Variants in CTTNBP2 observed in about 807,000 individuals in gnomAD.
The protein encoded by CTTNBP2 is cortactin-binding protein 2.
CTTNBP2 carries 108 observed loss-of-function variants against 156.9 expected under a neutral mutation model. The ratio of observed to expected loss-of-function variants is 0.69; its 90% CI spans 0.59 to 0.81. The LOEUF is 0.81. CTTNBP2 is among the 30% of genes least tolerant of loss of function. The pLI, the probability that CTTNBP2 is intolerant of heterozygous loss-of-function variation, is 0.00. For synonymous variants in CTTNBP2, 767 were observed against 751.8 expected (o/e 1.02, Z -0.33); for missense variants, 1,924 against 2,035.4 (o/e 0.95, Z 1.05).
At chr7:117,748,119 C>T (rs1169854344) in intron 12 of CTTNBP2, among the ~76,000 whole-genome samples, 1 of 152,164 alleles carries the variant, frequency 6.6e-6, no homozygotes, top group Non-Finnish European at 1.5e-5. Flanking sequence ...CTAGAAAGTG[C>T]TGCTGAGGTT....
At chr7:117,800,125 A>C (rs1004789823) in intron 3 of CTTNBP2, among the ~76,000 whole-genome samples, 1 of 152,064 alleles carries the variant, frequency 6.6e-6, no homozygotes, top group Non-Finnish European at 1.5e-5. Context: ...CTTTTGGAGA[A>C]GCCAAATTGC....
At chr7:117,871,299 T>C (rs1042862841) in intron 1 of CTTNBP2, among the ~76,000 whole-genome samples, 2 of 152,364 alleles carry the variant, frequency 1.3e-5, no homozygotes, top group South Asian at 2.1e-4. Context: ...CCATGCCTTA[T>C]TAAGTCAAAA....
chr7:117,719,042 C>T (rs1045314314), intron 21 of CTTNBP2, among the ~76,000 whole-genome samples: 1 of 152,068 alleles, frequency 6.6e-6, no homozygotes, highest in East Asian at 1.9e-4. Context: ...ACTAAAAAGT[C>T]CAAAAATTAG....
intron 14 of CTTNBP2, among the ~76,000 whole-genome samples, chr7:117,739,902 C>A (rs1311680716): frequency 6.6e-6 from 1 of 152,164 alleles, no homozygotes; most frequent in Admixed American, 6.5e-5. Flanking sequence ...ATTACTTTTA[C>A]AAAGGAAAGT....
At chr7:117,773,664 C>CACACACACACACACACACACACAA (rs1797918317) in intron 8 of CTTNBP2, among the ~76,000 whole-genome samples, 1 of 137,308 alleles carries the variant, frequency 7.3e-6, no homozygotes, top group Non-Finnish European at 1.5e-5. Flanking sequence ...CACACACACA[C>CACACACACACACACACACACACAA]ACACACACAC....
chr7:117,835,926 GTAA>G (rs1401752766), intron 2 of CTTNBP2, among the ~76,000 whole-genome samples: 4 of 152,112 alleles, frequency 2.6e-5, no homozygotes, highest in Non-Finnish European at 4.4e-5. Flanking sequence ...CCTAATATTA[GTAA>G]TAATACCTAC....
chr7:117,811,306 C>T lies in CTTNBP2; in HGVS notation c.190-317G>A, dbSNP rs540103503. On this transcript the variant is annotated intron_variant, in intron 2 of 22. Transcript: ENST00000160373. ...CAGCAGTCTTTTTTTACACCCCCAC[C>T]CCTCCACCCCGCCCAACAGGGTCTT... Among the ~76,000 whole-genome samples the T allele has an allele frequency of 6.6e-5, 10 of 152,166 alleles. No homozygotes were observed. The South Asian group carries it at 2.1e-3, about 32-fold the overall frequency.
chr7:117,742,995 T>A lies in CTTNBP2; in HGVS notation c.3535+2836A>T, dbSNP rs188751710. ...CTGCTTCACCTCTTCCTGTGGCTTGTTGTTACTTGGGGGCATTGAGGTTTT... is the reference window on the plus strand; with the variant it reads ...CTGCTTCACCTCTTCCTGTGGCTTGATGTTACTTGGGGGCATTGAGGTTTT... On this transcript the variant is annotated intron_variant, in intron 14 of 22. Coordinates refer to ENST00000160373, the MANE Select transcript of CTTNBP2 (RefSeq NM_033427.3). Among the ~76,000 whole-genome samples, 319 of 152,294 alleles carry A rather than the reference T, an allele frequency of 2.1e-3. 1 individual carries two copies. The highest frequency in any genetic ancestry group is 7.3e-3 in the African/African-American group (302 of 41,568).
chr7:117,747,149 C>T (rs1796373642), intron 12 of CTTNBP2, among the ~76,000 whole-genome samples: 1 of 152,184 alleles, frequency 6.6e-6, no homozygotes, highest in Non-Finnish European at 1.5e-5. Flanking sequence ...CTAACTGATA[C>T]AGTTGATATT....
At chr7:117,770,101 C>G in intron 8 of CTTNBP2, among the ~76,000 whole-genome samples, 1 of 152,174 alleles carries the variant, frequency 6.6e-6, no homozygotes, top group East Asian at 1.9e-4. Context: ...AGCTAGAAAA[C>G]AGTCCAAATA....
chr7:117,776,963 C>T (rs1255937702), intron 8 of CTTNBP2, among the ~76,000 whole-genome samples: 1 of 152,234 alleles, frequency 6.6e-6, no homozygotes, highest in Admixed American at 6.5e-5. Flanking sequence ...AAGCGACTAA[C>T]ATCAGAAAAA....
At chr7:117,830,559 G>C (rs928999066) in intron 2 of CTTNBP2, among the ~76,000 whole-genome samples, 3 of 152,172 alleles carry the variant, frequency 2.0e-5, no homozygotes, top group Non-Finnish European at 2.9e-5. Context: ...ATTTGGAAAT[G>C]AAAGTAAAGA....
chr7:117,777,507 A>G lies in CTTNBP2; in HGVS notation c.2778+4T>C, dbSNP rs1182235190. 1.2e-6 allele frequency: 2 copies of G among 1,610,980 alleles called. No individual in the cohort carries two copies. Among genetic ancestry groups the G allele is most frequent in the Non-Finnish European group, 1.7e-6 (2 of 1,178,600 alleles). On this transcript the variant is annotated splice_donor_region_variant and intron_variant, in intron 8 of 22. Transcript: ENST00000160373. ...ATGATGAGGCCAGCTGCTACCAGACACACCTTAAAACCTTTGGAAGCAGCA... is the reference window on the plus strand; with the variant it reads ...ATGATGAGGCCAGCTGCTACCAGACGCACCTTAAAACCTTTGGAAGCAGCA...
At chr7:117,836,149 T>C (rs1017417698) in intron 2 of CTTNBP2, among the ~76,000 whole-genome samples, 1 of 152,200 alleles carries the variant, frequency 6.6e-6, no homozygotes, top group Admixed American at 6.5e-5. Flanking sequence ...GACTGTTGTT[T>C]CCACCTTCTC....
intron 3 of CTTNBP2, among the ~76,000 whole-genome samples, chr7:117,795,989 C>A (rs1309193988): frequency 6.6e-6 from 1 of 152,158 alleles, no homozygotes; most frequent in African/African-American, 2.4e-5. Context: ...TACCTTTCCC[C>A]AAATCTTCAC....
At chr7:117,870,354 A>G (rs1054408299) in intron 1 of CTTNBP2, among the ~76,000 whole-genome samples, 1 of 152,240 alleles carries the variant, frequency 6.6e-6, no homozygotes, top group African/African-American at 2.4e-5. Flanking sequence ...ATTTAGTTTA[A>G]AAAAACGCTT....
rs534955689 is a variant in CTTNBP2 at position 117,833,859 on chromosome 7, T to C, written c.190-22870A>G. 2.0e-5 allele frequency among the ~76,000 whole-genome samples: 3 copies of C among 152,320 alleles called. No homozygotes were observed. The South Asian group carries it at 6.2e-4, about 32-fold the overall frequency. ...CCAGTATTGAGTTAGTACTTAATGA[T>C]CAGCCTTGCTGCTTTGAAATAGAGA... On this transcript the variant is annotated intron_variant, in intron 2 of 22. Coordinates refer to ENST00000160373, the MANE Select transcript of CTTNBP2 (RefSeq NM_033427.3).
At chr7:117,805,608 T>C (rs568285147) in intron 3 of CTTNBP2, among the ~76,000 whole-genome samples, 5 of 152,334 alleles carry the variant, frequency 3.3e-5, no homozygotes, top group African/African-American at 1.2e-4. Flanking sequence ...GGGAATCCCT[T>C]AAGCTCTCTG....
At chr7:117,753,928 CAA>C (rs1459054644) in intron 12 of CTTNBP2, among the ~76,000 whole-genome samples, 1 of 152,128 alleles carries the variant, frequency 6.6e-6, no homozygotes, top group Non-Finnish European at 1.5e-5. Context: ...TGAAGGTAAA[CAA>C]AGTCAATTAC....
Sources: gnomAD v4.1 joint callset for allele counts (sites outside exome capture counted in the v4.1 genomes callset) on GRCh38, gnomAD v4.1.1 for gene constraint, MANE v1.5 for transcripts, NCBI Gene and HGNC (gene_info 2026-07-23, HGNC 2026-07-21) for gene names.